The following MN1 variants were observed in gnomAD, a reference collection of about 807,000 sequenced individuals.
The protein encoded by MN1 is transcriptional activator MN1.
Under a neutral mutation model 86.9 loss-of-function variants are expected in MN1, and 19 were observed. That is an observed-to-expected ratio of 0.22 (90% CI 0.15 to 0.32). The LOEUF is 0.32. MN1 is among the 10% of genes least tolerant of loss of function. MN1 has a pLI of 1.00. For missense variants in MN1, 1,841 were observed against 1,862.0 expected (o/e 0.99, Z 0.21); for synonymous variants, 928 against 849.6 (o/e 1.09, Z -1.60).
chr22:27,772,085 T>C lies in MN1; in HGVS notation c.3782-20989A>G, dbSNP rs1180450786. On this transcript the variant is annotated intron_variant, in intron 1 of 1. Coordinates refer to ENST00000302326, the MANE Select transcript of MN1 (RefSeq NM_002430.3). ...TAAGGAGGGACGAAAGGGGCTGTTA[T>C]GTGTGTCCTCCTGCCCGGCCCTCCC... Among the ~76,000 whole-genome samples, 3 of 152,236 alleles carry C rather than the reference T, an allele frequency of 2.0e-5. No homozygotes were observed. In the East Asian group the frequency reaches 5.8e-4, roughly 29 times the overall value.
Position 27,763,324 on chromosome 22 carries a change from G to A in MN1, c.3782-12228C>T, listed in dbSNP as rs540045747. ...GAGCTCTGGGGTATTTTCCTGTGTCGGGTCAGCACAGCTGGCAAGGGGCCG... is the reference window on the plus strand; with the variant it reads ...GAGCTCTGGGGTATTTTCCTGTGTCAGGTCAGCACAGCTGGCAAGGGGCCG... On this transcript the variant is annotated intron_variant, in intron 1 of 1. Transcript: ENST00000302326. 9.9e-5 allele frequency among the ~76,000 whole-genome samples: 15 copies of A among 152,256 alleles called. No homozygotes were observed. In the East Asian group the frequency reaches 2.5e-3, roughly 25 times the overall value.
In MN1 at chr22:27,797,359, C is replaced by A; in HGVS notation, c.3185G>T (p.Ser1062Ile). The A allele has an allele frequency of 6.2e-7, 1 of 1,609,500 alleles. No homozygotes were observed. Among genetic ancestry groups the A allele is most frequent in the Non-Finnish European group, 8.5e-7 (1 of 1,179,922 alleles). ...SYANEDEVSS[S>I]SDNPQALVKA... ...AACTAGTGCCTGGGGGTTGTCAGAG[C>A]TGGACGACACCTCGTCCTCATTGGC... Residue 1062 changes from serine to isoleucine, a missense_variant, in exon 1 of 2, where the codon AGC (serine) becomes ATC (isoleucine). Transcript: ENST00000302326.
chr22:27,783,869 G>A (rs1353143212), intron 1 of MN1, among the ~76,000 whole-genome samples: 1 of 151,678 alleles, frequency 6.6e-6, no homozygotes, highest in Non-Finnish European at 1.5e-5. Context: ...ATATCTCCAC[G>A]TACACACACC....
rs2267119 is a variant in MN1 at position 27,794,246 on chromosome 22, A to G, written c.3781+2517T>C. Among the ~76,000 whole-genome samples the G allele has an allele frequency of 7.9e-3, 1,196 of 152,340 alleles. 25 individuals are homozygous for G. Among genetic ancestry groups the G allele is most frequent in the East Asian group, 0.063 (328 of 5,196 alleles). On this transcript the variant is annotated intron_variant, in intron 1 of 1. Transcript: ENST00000302326. ...GCAGATGGAACTACAGGGTGTTATCATAATGAAAAGTTTAATCATCCTTAT... is the reference window on the plus strand; with the variant it reads ...GCAGATGGAACTACAGGGTGTTATCGTAATGAAAAGTTTAATCATCCTTAT...
intron 1 of MN1, among the ~76,000 whole-genome samples, chr22:27,775,323 T>C (rs1452330609): frequency 1.3e-5 from 2 of 152,090 alleles, no homozygotes; most frequent in African/African-American, 2.4e-5. Flanking sequence ...CTGACCAGAC[T>C]CCAGAGGGTG....
intron 1 of MN1, among the ~76,000 whole-genome samples, chr22:27,762,669 A>G (rs566355056): frequency 1.4e-4 from 22 of 152,178 alleles, no homozygotes; most frequent in Middle Eastern, 6.8e-3. Flanking sequence ...TACCTCTCTG[A>G]GCCCCAGCAT....
At chr22:27,785,168 C>T in intron 1 of MN1, among the ~76,000 whole-genome samples, 1 of 152,006 alleles carries the variant, frequency 6.6e-6, no homozygotes, top group East Asian at 1.9e-4. Flanking sequence ...TTTTTAAACG[C>T]TAAAGCAAAC....
chr22:27,795,868 A>T (rs944905827), intron 1 of MN1, among the ~76,000 whole-genome samples: 1 of 151,930 alleles, frequency 6.6e-6, no homozygotes, highest in African/African-American at 2.4e-5. Flanking sequence ...TACTAACCCC[A>T]CCCCTCCCAC....
In MN1 at chr22:27,801,650, G is replaced by A. The variant is rs1362283780; in HGVS notation, c.-1107C>T. Reference sequence around the variant, plus strand: ...GCGCGGGGGCAGCTCTGGGGGGTCTGCGCACCCCTCTCCCGACTAGCGGGG... The same window carrying A: ...GCGCGGGGGCAGCTCTGGGGGGTCTACGCACCCCTCTCCCGACTAGCGGGG... On this transcript the variant is annotated 5_prime_UTR_variant, in exon 1 of 2. Coordinates refer to ENST00000302326, the MANE Select transcript of MN1 (RefSeq NM_002430.3). 6.6e-6 allele frequency among the ~76,000 whole-genome samples: 1 copy of A among 151,762 alleles called. No homozygotes were observed. Among genetic ancestry groups the A allele is most frequent in the Non-Finnish European group, 1.5e-5 (1 of 67,860 alleles).
chr22:27,771,058 T>A (rs937439363), intron 1 of MN1, among the ~76,000 whole-genome samples: 1 of 152,082 alleles, frequency 6.6e-6, no homozygotes, highest in African/African-American at 2.4e-5. Flanking sequence ...TTGCCTGTGC[T>A]GAGCACTGCA....
Position 27,797,395 on chromosome 22 carries a change from C to A in MN1, c.3149G>T (p.Ser1050Ile), listed in dbSNP as rs1472065809. Residue 1050 changes from serine (S) to isoleucine (I), a missense_variant, in exon 1 of 2, where the codon AGC becomes ATC. Transcript: ENST00000302326. ...CTCGTCCTCATTGGCGTAGCTCGTGCTCACCTCGTCCGAGGCGAACTCACC... is the reference window on the plus strand; with the variant it reads ...CTCGTCCTCATTGGCGTAGCTCGTGATCACCTCGTCCGAGGCGAACTCACC... Reference protein sequence around the residue: ...NVGEFASDEVSTSYANEDEVS... With the variant: ...NVGEFASDEVITSYANEDEVS... 1.2e-6 allele frequency: 2 copies of A among 1,612,028 alleles called. No homozygotes were observed. Among genetic ancestry groups the A allele is most frequent in the South Asian group, 1.1e-5 (1 of 91,018 alleles).
chr22:27,762,201 G>A (rs2146297011), intron 1 of MN1, among the ~76,000 whole-genome samples: 1 of 152,308 alleles, frequency 6.6e-6, no homozygotes, highest in Admixed American at 6.5e-5. Flanking sequence ...ACAGGCCCCG[G>A]GGGGCTGAGG....
At chr22:27,789,696 T>C (rs980030521) in intron 1 of MN1, among the ~76,000 whole-genome samples, 1 of 152,248 alleles carries the variant, frequency 6.6e-6, no homozygotes, top group African/African-American at 2.4e-5. Flanking sequence ...AGAGCCAGCA[T>C]GTTATTACAA....
At chr22:27,767,660 C>G (rs1398386730) in intron 1 of MN1, among the ~76,000 whole-genome samples, 1 of 152,108 alleles carries the variant, frequency 6.6e-6, no homozygotes, top group Non-Finnish European at 1.5e-5. Flanking sequence ...GGGATAATCT[C>G]TGAGATGAGA....
chr22:27,767,073 G>A lies in MN1; in HGVS notation c.3782-15977C>T, dbSNP rs148791831. On this transcript the variant is annotated intron_variant, in intron 1 of 1. Transcript: ENST00000302326. ...ACTTTTCCTTCTTGCCCTGCTCTCTGCCATGGCCCCAAGAGTATGAGTTCC... is the reference window on the plus strand; with the variant it reads ...ACTTTTCCTTCTTGCCCTGCTCTCTACCATGGCCCCAAGAGTATGAGTTCC... Among the ~76,000 whole-genome samples, 56 of 152,148 alleles carry A rather than the reference G, an allele frequency of 3.7e-4. No homozygotes were observed. In the East Asian group the frequency reaches 7.9e-3, roughly 22 times the overall value.
intron 1 of MN1, among the ~76,000 whole-genome samples, chr22:27,774,787 G>C: frequency 6.6e-6 from 1 of 152,248 alleles, no homozygotes; most frequent in Middle Eastern, 3.4e-3. Flanking sequence ...AGCAACAGTC[G>C]TGACAATTCC....
chr22:27,752,078 A>C (rs1274319809), intron 1 of MN1, among the ~76,000 whole-genome samples: 1 of 152,158 alleles, frequency 6.6e-6, no homozygotes, highest in Non-Finnish European at 1.5e-5. Flanking sequence ...ACAGATGAGA[A>C]GTCTGAGCCC....
chr22:27,785,157 A>G (rs1456908777), intron 1 of MN1, among the ~76,000 whole-genome samples: 1 of 152,092 alleles, frequency 6.6e-6, no homozygotes, highest in East Asian at 1.9e-4. Context: ...AAAACAAACT[A>G]TTTTTAAACG....
At position 27,799,605 on chromosome 22, in the gene MN1, G is replaced by C; in HGVS notation, c.939C>G (p.Phe313Leu). The change falls in exon 1 of 2, where the codon TTC (phenylalanine) becomes TTG (leucine). Residue 313 changes from phenylalanine (F) to leucine (L), a missense_variant. By Grantham distance (22) the Phe-to-Leu change is conservative. Transcript: ENST00000302326. ...TTCTGGCCCCACTGAACCTCTCAAA[G>C]AACACACCATGCTGCTGCTGCTGCT... ...PQQQQQQHGV[F>L]FERFSGARKM... The C allele has an allele frequency of 2.6e-6, 4 of 1,539,772 alleles. No individual in the cohort carries two copies. Among genetic ancestry groups the C allele is most frequent in the Non-Finnish European group, 3.5e-6 (4 of 1,141,706 alleles).
Sources: gnomAD v4.1 joint callset for allele counts (sites outside exome capture counted in the v4.1 genomes callset) on GRCh38, gnomAD v4.1.1 for gene constraint, MANE v1.5 for transcripts, NCBI Gene and HGNC (gene_info 2026-07-23, HGNC 2026-07-21) for gene names.